DCC: variants seen among roughly 807,000 people sequenced by gnomAD.
The protein encoded by DCC is DCC netrin 1 receptor, also known as netrin receptor DCC.
DCC carries 58 observed loss-of-function variants against 172.5 expected under a neutral mutation model. That is an observed-to-expected ratio of 0.34 (90% CI 0.27 to 0.42). The LOEUF (loss-of-function observed/expected upper bound fraction) is 0.42. Ranked by LOEUF, DCC falls within the 10% of genes least tolerant of loss-of-function variation. DCC has a pLI of 1.00. For missense variants in DCC, 1,740 were observed against 1,791.0 expected (o/e 0.97, Z 0.51); for synonymous variants, 709 against 644.5 (o/e 1.10, Z -1.52).
At chr18:53,488,415 C>T (rs982074372) in intron 26 of DCC, among the ~76,000 whole-genome samples, 2 of 152,180 alleles carry the variant, frequency 1.3e-5, no homozygotes, top group South Asian at 2.1e-4. Context: ...TGACCTTTAT[C>T]GGGTTTCTCC....
At chr18:53,296,284 C>T (rs994298432) in intron 12 of DCC, among the ~76,000 whole-genome samples, 1 of 152,134 alleles carries the variant, frequency 6.6e-6, no homozygotes, top group African/African-American at 2.4e-5. Flanking sequence ...ATCGCTGGAC[C>T]TCACTGTCAC....
At chr18:53,027,218 G>A (rs1164007077) in intron 5 of DCC, among the ~76,000 whole-genome samples, 4 of 151,996 alleles carry the variant, frequency 2.6e-5, no homozygotes, top group East Asian at 1.9e-4. Context: ...TACTTTCCTT[G>A]GAGGAGTAGA....
intron 1 of DCC, among the ~76,000 whole-genome samples, chr18:52,664,470 C>CTTT (rs74178680): frequency 0.023 from 2,265 of 99,546 alleles, 138 homozygotes; most frequent in East Asian, 0.061. Flanking sequence ...TTTTCTTTTT[C>CTTT]TTTTTCTTTT....
intron 7 of DCC, among the ~76,000 whole-genome samples, chr18:53,142,052 C>A (rs548740844): frequency 3.9e-5 from 6 of 152,214 alleles, no homozygotes; most frequent in Non-Finnish European, 8.8e-5. Context: ...CCCACTGGAG[C>A]ACAACTGTCT....
chr18:52,621,856 T>A (rs893194517), intron 1 of DCC, among the ~76,000 whole-genome samples: 3 of 152,232 alleles, frequency 2.0e-5, no homozygotes, highest in Admixed American at 6.5e-5. Flanking sequence ...CTTCATTTTA[T>A]GTTACTTGCT....
At chr18:53,342,063 T>G (rs1268042769) in intron 15 of DCC, among the ~76,000 whole-genome samples, 1 of 152,052 alleles carries the variant, frequency 6.6e-6, no homozygotes, top group African/African-American at 2.4e-5. Flanking sequence ...AGCCATAACT[T>G]CAAGTATCAT....
At chr18:52,495,172 G>A (rs1449611425) in intron 1 of DCC, among the ~76,000 whole-genome samples, 1 of 152,086 alleles carries the variant, frequency 6.6e-6, no homozygotes, top group African/African-American at 2.4e-5. Context: ...ACTCCATTCT[G>A]CTTCTCAGAG....
chr18:52,970,549 T>C (rs1028981647), intron 5 of DCC, among the ~76,000 whole-genome samples: 1 of 152,170 alleles, frequency 6.6e-6, no homozygotes, highest in Non-Finnish European at 1.5e-5. Flanking sequence ...ACATATTGTT[T>C]AGAATATGGT....
At chr18:53,013,912 C>T (rs572320962) in intron 5 of DCC, among the ~76,000 whole-genome samples, 2 of 152,042 alleles carry the variant, frequency 1.3e-5, no homozygotes, top group East Asian at 1.9e-4. Flanking sequence ...AAAGTTTCAA[C>T]GAACACAACA....
intron 7 of DCC, among the ~76,000 whole-genome samples, chr18:53,144,739 G>C (rs1378607745): frequency 6.6e-6 from 1 of 152,072 alleles, no homozygotes; most frequent in African/African-American, 2.4e-5. Flanking sequence ...CAAGTCAGGG[G>C]CTGGTGCCAT....
At chr18:53,211,628 G>A (rs1476877704) in intron 11 of DCC, among the ~76,000 whole-genome samples, 2 of 152,160 alleles carry the variant, frequency 1.3e-5, no homozygotes, top group Non-Finnish European at 2.9e-5. Flanking sequence ...GGAGGCTGAG[G>A]CAGGAGAATG....
intron 7 of DCC, among the ~76,000 whole-genome samples, chr18:53,088,640 A>C (rs998732489): frequency 5.3e-5 from 8 of 152,220 alleles, no homozygotes; most frequent in African/African-American, 9.6e-5. Flanking sequence ...TTTTTTTGAA[A>C]GGATCAACAG....
At chr18:53,107,492 G>A (rs112351696) in intron 7 of DCC, among the ~76,000 whole-genome samples, 1,419 of 133,458 alleles carry the variant, frequency 0.011, 33 homozygotes, top group African/African-American at 0.037. Flanking sequence ...GCTCTCTTAC[G>A]TTTATAATCT....
chr18:52,859,133 CA>C (rs35988635), intron 2 of DCC, among the ~76,000 whole-genome samples: 3,242 of 147,162 alleles, frequency 0.022, 97 homozygotes, highest in African/African-American at 0.072. Flanking sequence ...CCTGTCTCTG[CA>C]AAAAAAAAAT....
chr18:53,289,496 A>G (rs910701181), intron 12 of DCC, among the ~76,000 whole-genome samples: 14 of 152,116 alleles, frequency 9.2e-5, no homozygotes, highest in African/African-American at 3.4e-4. Flanking sequence ...GCATTATATA[A>G]TCTTTCACTG....
chr18:53,180,034 C>A (rs1215871100), intron 9 of DCC, among the ~76,000 whole-genome samples: 1 of 152,070 alleles, frequency 6.6e-6, no homozygotes, highest in African/African-American at 2.4e-5. Flanking sequence ...AGAGGTATAT[C>A]AAAATCACCT....
At chr18:52,701,932 A>G (rs2036130838) in intron 1 of DCC, among the ~76,000 whole-genome samples, 1 of 152,168 alleles carries the variant, frequency 6.6e-6, no homozygotes, top group Non-Finnish European at 1.5e-5. Context: ...CACACTTAGC[A>G]TAAATCCTGT....
chr18:52,793,674 T>A (rs2145211160), intron 2 of DCC, among the ~76,000 whole-genome samples: 1 of 152,328 alleles, frequency 6.6e-6, no homozygotes, highest in East Asian at 1.9e-4. Flanking sequence ...TTTGGTTTTG[T>A]TGCCTGTATT....
chr18:53,238,998 A>G (rs1010228225), intron 12 of DCC, among the ~76,000 whole-genome samples: 18 of 145,280 alleles, frequency 1.2e-4, no homozygotes, highest in Non-Finnish European at 3.0e-5. Flanking sequence ...GAGCAATGAG[A>G]ACACCTGGAC....
Sources: gnomAD v4.1 joint callset for allele counts (sites outside exome capture counted in the v4.1 genomes callset) on GRCh38, gnomAD v4.1.1 for gene constraint, MANE v1.5 for transcripts, NCBI Gene and HGNC (gene_info 2026-07-23, HGNC 2026-07-21) for gene names.